The following SPOCK1 variants were observed in gnomAD, a reference collection of about 807,000 sequenced individuals.
SPOCK1 encodes the protein testican-1.
In SPOCK1, 23 loss-of-function variants were observed where a neutral mutation model predicts 55.3. The ratio of observed to expected loss-of-function variants is 0.42; its 90% CI spans 0.30 to 0.59. The LOEUF (loss-of-function observed/expected upper bound fraction) is 0.59. SPOCK1 is among the 20% of genes least tolerant of loss of function. SPOCK1 has a pLI of 0.22. For missense variants in SPOCK1, 499 were observed against 552.5 expected, an observed-to-expected ratio of 0.90 and a Z score of 0.97; for synonymous variants, 226 against 221.0, an observed-to-expected ratio of 1.02 and a Z score of -0.20.
At chr5:137,132,604 G>C (rs1158717576) in intron 4 of SPOCK1, among the ~76,000 whole-genome samples, 1 of 152,126 alleles carries the variant, frequency 6.6e-6, no homozygotes, top group Non-Finnish European at 1.5e-5. Flanking sequence ...TCAATCCCTG[G>C]CCCTACCATT....
intron 2 of SPOCK1, among the ~76,000 whole-genome samples, chr5:137,489,905 C>A (rs1449297488): frequency 6.6e-6 from 1 of 152,222 alleles, no homozygotes; most frequent in African/African-American, 2.4e-5. Flanking sequence ...CAGTCCCCAG[C>A]CAAAAAGGTT....
At chr5:137,472,689 C>T (rs753184997) in intron 2 of SPOCK1, among the ~76,000 whole-genome samples, 2 of 152,092 alleles carry the variant, frequency 1.3e-5, no homozygotes, top group Non-Finnish European at 2.9e-5. Flanking sequence ...TTTTTAACAG[C>T]GTAACACAGG....
chr5:137,356,833 A>AGAGG (rs1359147166), intron 2 of SPOCK1, among the ~76,000 whole-genome samples: 2 of 55,360 alleles, frequency 3.6e-5, no homozygotes, highest in African/African-American at 1.4e-4. Flanking sequence ...ATATATATAT[A>AGAGG]TATATAGAGA....
chr5:137,103,711 A>T (rs964824594), intron 5 of SPOCK1, among the ~76,000 whole-genome samples: 1 of 152,230 alleles, frequency 6.6e-6, no homozygotes, highest in African/African-American at 2.4e-5. Flanking sequence ...ATCCTAACTA[A>T]CACACAATTA....
At chr5:137,164,058 T>C (rs1216096306) in intron 3 of SPOCK1, among the ~76,000 whole-genome samples, 3 of 152,192 alleles carry the variant, frequency 2.0e-5, no homozygotes, top group African/African-American at 7.2e-5. Flanking sequence ...TATGAAGAGT[T>C]CATTTGCACT....
At chr5:137,109,167 T>C (rs1325474175) in intron 5 of SPOCK1, among the ~76,000 whole-genome samples, 1 of 152,148 alleles carries the variant, frequency 6.6e-6, no homozygotes, top group Non-Finnish European at 1.5e-5. Flanking sequence ...ATGGCTCATC[T>C]CCAGTCTCAG....
At chr5:137,156,271 G>C (rs1754414944) in intron 3 of SPOCK1, among the ~76,000 whole-genome samples, 1 of 152,106 alleles carries the variant, frequency 6.6e-6, no homozygotes, top group African/African-American at 2.4e-5. Flanking sequence ...TGTGAAGCTG[G>C]CCTCTGCTGT....
chr5:137,038,154 T>C (rs552948024), intron 6 of SPOCK1, among the ~76,000 whole-genome samples: 3 of 152,306 alleles, frequency 2.0e-5, no homozygotes, highest in Non-Finnish European at 2.9e-5. Flanking sequence ...TCTGCTGACA[T>C]AGAGGGCAAG....
At chr5:137,302,242 C>T (rs1757605283) in intron 2 of SPOCK1, among the ~76,000 whole-genome samples, 2 of 152,086 alleles carry the variant, frequency 1.3e-5, no homozygotes, top group Non-Finnish European at 2.9e-5. Context: ...GATTCCTTTG[C>T]TTTACATGAG....
intron 2 of SPOCK1, among the ~76,000 whole-genome samples, chr5:137,307,399 G>A (rs1757716532): frequency 6.6e-6 from 1 of 152,130 alleles, no homozygotes; most frequent in South Asian, 2.1e-4. Flanking sequence ...GAAAAAACAC[G>A]GCCCCACCAT....
chr5:137,431,536 G>C (rs1331163909), intron 2 of SPOCK1, among the ~76,000 whole-genome samples: 1 of 152,230 alleles, frequency 6.6e-6, no homozygotes, highest in African/African-American at 2.4e-5. Context: ...CCCCGGTGTG[G>C]TGGTGTTGGG....
intron 6 of SPOCK1, among the ~76,000 whole-genome samples, chr5:137,032,990 C>G (rs1332428956): frequency 6.6e-6 from 1 of 152,198 alleles, no homozygotes; most frequent in Admixed American, 6.5e-5. Flanking sequence ...AGCCTCAGTG[C>G]AGCTAAATCA....
chr5:137,319,389 T>A (rs1295406194), intron 2 of SPOCK1, among the ~76,000 whole-genome samples: 1 of 152,228 alleles, frequency 6.6e-6, no homozygotes, highest in African/African-American at 2.4e-5. Flanking sequence ...CCCCTTTCTT[T>A]CATCTAACAC....
At chr5:137,194,735 C>G (rs1342665434) in intron 3 of SPOCK1, among the ~76,000 whole-genome samples, 1 of 152,126 alleles carries the variant, frequency 6.6e-6, no homozygotes, top group Non-Finnish European at 1.5e-5. Flanking sequence ...CCCCGTGGCT[C>G]CACCCTCTAC....
chr5:137,374,310 A>C (rs1266525810), intron 2 of SPOCK1, among the ~76,000 whole-genome samples: 3 of 152,238 alleles, frequency 2.0e-5, no homozygotes, highest in Non-Finnish European at 4.4e-5. Context: ...ATCCTGTCAC[A>C]AAGATGAAGC....
At chr5:137,247,842 C>T (rs1385442066) in intron 3 of SPOCK1, among the ~76,000 whole-genome samples, 2 of 152,134 alleles carry the variant, frequency 1.3e-5, no homozygotes, top group African/African-American at 4.8e-5. Flanking sequence ...TAATCCATTT[C>T]CACGAGAACT....
chr5:137,192,730 C>A (rs1755208368), intron 3 of SPOCK1, among the ~76,000 whole-genome samples: 1 of 152,210 alleles, frequency 6.6e-6, no homozygotes, highest in South Asian at 2.1e-4. Flanking sequence ...TATGGCCCAG[C>A]AGCTAAAGTG....
intron 6 of SPOCK1, among the ~76,000 whole-genome samples, chr5:137,024,315 G>GGC (rs757163501): frequency 0.014 from 114 of 8,272 alleles, 5 homozygotes; most frequent in Non-Finnish European, 0.045. Context: ...CCAGTTTGAA[G>GGC]GGGGGGGGGT....
intron 2 of SPOCK1, among the ~76,000 whole-genome samples, chr5:137,397,689 G>A (rs1221382796): frequency 6.6e-6 from 1 of 152,148 alleles, no homozygotes; most frequent in Admixed American, 6.5e-5. Flanking sequence ...ACTAGCTCTT[G>A]ACCTTGAGCA....
Sources: allele counts gnomAD v4.1 joint callset (sites outside exome capture counted in the v4.1 genomes callset), GRCh38; gene constraint gnomAD v4.1.1; transcripts MANE v1.5; gene names NCBI Gene and HGNC (gene_info 2026-07-23, HGNC 2026-07-21).